The following CNTNAP4 variants were observed in gnomAD, a reference collection of about 807,000 sequenced individuals.
CNTNAP4 encodes the protein contactin associated protein family member 4.
In CNTNAP4, 98 loss-of-function variants were observed where a neutral mutation model predicts 148.4. That is an observed-to-expected ratio of 0.66 (90% confidence interval 0.56 to 0.78). The LOEUF (loss-of-function observed/expected upper bound fraction) is 0.78. Among genes scored for constraint, CNTNAP4 ranks in the 30% least tolerant of loss-of-function variants. The pLI, the probability that CNTNAP4 is intolerant of heterozygous loss-of-function variation, is 0.00. For missense variants in CNTNAP4, 1,935 were observed against 1,565.6 expected (o/e 1.24, Z -3.98); for synonymous variants, 730 against 565.1 (o/e 1.29, Z -4.14).
At chr16:76,304,006 C>G (rs926203040) in intron 1 of CNTNAP4, among the ~76,000 whole-genome samples, 3 of 152,044 alleles carry the variant, frequency 2.0e-5, no homozygotes, top group African/African-American at 7.2e-5. Flanking sequence ...ATTCAGTTCA[C>G]TTTTATTCAG....
chr16:76,440,000 G>A (rs2079973505), intron 4 of CNTNAP4, among the ~76,000 whole-genome samples: 1 of 151,300 alleles, frequency 6.6e-6, no homozygotes, highest in Admixed American at 6.6e-5. Context: ...CAGCGACTCA[G>A]TCTGATTTGT....
At chr16:76,392,783 G>A (rs1054602905) in intron 3 of CNTNAP4, among the ~76,000 whole-genome samples, 1 of 152,164 alleles carries the variant, frequency 6.6e-6, no homozygotes, top group African/African-American at 2.4e-5. Flanking sequence ...GCTTGAACAT[G>A]TCCTCATTAC....
chr16:76,338,376 C>T (rs534676295), intron 2 of CNTNAP4, among the ~76,000 whole-genome samples: 46 of 152,264 alleles, frequency 3.0e-4, no homozygotes, highest in Admixed American at 1.2e-3. Flanking sequence ...CTGTTGCCCC[C>T]TCTATTCCCT....
At chr16:76,464,858 G>C (rs571158604) in intron 9 of CNTNAP4, among the ~76,000 whole-genome samples, 1 of 152,122 alleles carries the variant, frequency 6.6e-6, no homozygotes, top group Non-Finnish European at 1.5e-5. Flanking sequence ...ACTGTATTGT[G>C]GTGGTACATT....
intron 1 of CNTNAP4, among the ~76,000 whole-genome samples, chr16:76,282,855 A>G (rs1194301341): frequency 6.6e-6 from 1 of 151,370 alleles, no homozygotes; most frequent in African/African-American, 2.4e-5. Flanking sequence ...TCATTTAAAA[A>G]CCCATTTTCA....
chr16:76,310,390 A>G lies in CNTNAP4; in HGVS notation c.86-6023A>G, dbSNP rs182158555. On this transcript the variant is annotated intron_variant, in intron 1 of 23. Coordinates refer to ENST00000611870, the MANE Select transcript of CNTNAP4 (RefSeq NM_033401.5). The stretch of plus-strand genomic sequence containing the variant: ...ATTCCATACTTTCTTAAATATGTTG[A>G]TGATTTCTAATTTTAACTGGATGGA... Among the ~76,000 whole-genome samples, 13 of 152,280 alleles carry G rather than the reference A, an allele frequency of 8.5e-5. No individual in the cohort carries two copies. In the East Asian group the frequency reaches 1.7e-3, roughly 20 times the overall value.
chr16:76,450,911 G>A (rs1296788573), intron 7 of CNTNAP4, among the ~76,000 whole-genome samples: 4 of 152,208 alleles, frequency 2.6e-5, no homozygotes, highest in African/African-American at 7.2e-5. Flanking sequence ...GGGGAAGTGC[G>A]AGGATCAGAG....
At chr16:76,394,281 A>G (rs1375951650) in intron 3 of CNTNAP4, among the ~76,000 whole-genome samples, 1 of 152,196 alleles carries the variant, frequency 6.6e-6, no homozygotes, top group Non-Finnish European at 1.5e-5. Context: ...TATTCTGTAA[A>G]TCACAGATGC....
intron 3 of CNTNAP4, among the ~76,000 whole-genome samples, chr16:76,398,799 CA>C (rs1452365382): frequency 6.6e-6 from 1 of 151,960 alleles, no homozygotes; most frequent in Admixed American, 6.6e-5. Context: ...ATATTGGGTG[CA>C]TATATATTTG....
Position 76,535,748 on chromosome 16 carries a change from A to C in CNTNAP4, c.2959A>C (p.Thr987Pro). ...ERPIGFFCDC[T>P]FSAYTGPFCS... ...ACCCATTGGGTTCTTTTGTGACTGC[A>C]CTTTCTCTGCATACACAGGGCCATT... Residue 987 changes from threonine (T) to proline (P), a missense_variant, in exon 18 of 24, where the codon ACT becomes CCT. Physicochemically the swap from Thr to Pro is conservative, Grantham distance 38. Transcript: ENST00000611870. 6.2e-7 allele frequency: 1 copy of C among 1,613,926 alleles called. No individual in the cohort carries two copies. The highest frequency in any genetic ancestry group is 8.5e-7 in the Non-Finnish European group (1 of 1,179,858).
intron 4 of CNTNAP4, among the ~76,000 whole-genome samples, chr16:76,445,773 T>C (rs964143691): frequency 6.6e-6 from 1 of 152,190 alleles, no homozygotes; most frequent in African/African-American, 2.4e-5. Flanking sequence ...ATTTCAAAAA[T>C]AGTCTTTACC....
At chr16:76,361,345 C>G (rs1057141259) in intron 3 of CNTNAP4, among the ~76,000 whole-genome samples, 1 of 152,142 alleles carries the variant, frequency 6.6e-6, no homozygotes, top group Non-Finnish European at 1.5e-5. Flanking sequence ...CTTTCTGCCT[C>G]TATAGATTTG....
intron 15 of CNTNAP4, among the ~76,000 whole-genome samples, chr16:76,499,535 A>G (rs1254023078): frequency 2.0e-5 from 3 of 151,634 alleles, no homozygotes; most frequent in African/African-American, 7.3e-5. Flanking sequence ...ATAAAACTCC[A>G]AGTTCTTTTT....
At chr16:76,309,310 GTTTA>G (rs1177696723) in intron 1 of CNTNAP4, among the ~76,000 whole-genome samples, 1 of 151,956 alleles carries the variant, frequency 6.6e-6, no homozygotes, top group Non-Finnish European at 1.5e-5. Context: ...AGCAGAGGCT[GTTTA>G]TTTAGAGTTT....
intron 15 of CNTNAP4, among the ~76,000 whole-genome samples, chr16:76,514,321 A>T (rs747693592): frequency 6.6e-6 from 1 of 152,170 alleles, no homozygotes; most frequent in African/African-American, 2.4e-5. Context: ...TTGCTCCAAA[A>T]TTCTGTTCTT....
intron 1 of CNTNAP4, among the ~76,000 whole-genome samples, chr16:76,288,142 A>G (rs146439143): frequency 6.6e-6 from 1 of 151,934 alleles, no homozygotes; most frequent in Non-Finnish European, 1.5e-5. Flanking sequence ...AGTGAATGAG[A>G]TCTCGTGAGA....
At chr16:76,284,406 T>C (rs891539670) in intron 1 of CNTNAP4, among the ~76,000 whole-genome samples, 10 of 151,712 alleles carry the variant, frequency 6.6e-5, no homozygotes, top group Non-Finnish European at 4.4e-5. Flanking sequence ...AAAAGAAAAA[T>C]CTCAGAAAGT....
chr16:76,454,550 A>C (rs2080648079), intron 8 of CNTNAP4, among the ~76,000 whole-genome samples: 2 of 152,222 alleles, frequency 1.3e-5, no homozygotes, highest in Admixed American at 1.3e-4. Context: ...TGAGGATAAC[A>C]CAAGTAGGAT....
intron 1 of CNTNAP4, among the ~76,000 whole-genome samples, chr16:76,286,499 C>T (rs1474564775): frequency 1.3e-5 from 2 of 151,960 alleles, no homozygotes; most frequent in East Asian, 1.9e-4. Context: ...TTCTAGGACT[C>T]GGTGTAAAGA....
Sources: allele counts gnomAD v4.1 joint callset (sites outside exome capture counted in the v4.1 genomes callset), GRCh38; gene constraint gnomAD v4.1.1; transcripts MANE v1.5; gene names NCBI Gene and HGNC (gene_info 2026-07-23, HGNC 2026-07-21).